Variants in ATXN7 observed in about 807,000 individuals in gnomAD.
ATXN7 encodes ataxin-7.
In ATXN7, 12 loss-of-function variants were observed where a neutral mutation model predicts 70.5. The ratio of observed to expected loss-of-function variants is 0.17; its 90% confidence interval spans 0.11 to 0.28. ATXN7 has a LOEUF of 0.28. Among genes scored for constraint, ATXN7 ranks in the 10% least tolerant of loss-of-function variants. ATXN7 has a pLI of 1.00. For missense variants in ATXN7, 1,256 were observed against 1,131.7 expected (o/e 1.11, Z -1.58); for synonymous variants, 498 against 448.7 (o/e 1.11, Z -1.39).
At chr3:63,998,905 T>C (rs555452367) in intron 12 of ATXN7, 1 of 168,234 alleles carries the variant, frequency 5.9e-6, no homozygotes, top group African/African-American at 2.4e-5. Context: ...TGGGACATGC[T>C]GGGAAGCCTA....
At chr3:63,935,948 AT>A (rs2074655129) in intron 4 of ATXN7, among the ~76,000 whole-genome samples, 1 of 152,186 alleles carries the variant, frequency 6.6e-6, no homozygotes, top group African/African-American at 2.4e-5. Context: ...GCTTAGGCAA[AT>A]TGTACTATAT....
intron 2 of ATXN7, chr3:63,911,962 G>C (rs1421200088): frequency 6.6e-6 from 1 of 152,344 alleles, no homozygotes; most frequent in Non-Finnish European, 1.5e-5. Flanking sequence ...CTCCTCCATA[G>C]GTGGCTGCAT....
intron 4 of ATXN7, among the ~76,000 whole-genome samples, chr3:63,937,962 A>T (rs370787281): frequency 2.6e-5 from 4 of 152,342 alleles, no homozygotes; most frequent in African/African-American, 9.6e-5. Flanking sequence ...TTAAGTTCTC[A>T]ATAAATGTTT....
chr3:63,970,970 G>C (rs2075303110), intron 5 of ATXN7, among the ~76,000 whole-genome samples: 1 of 152,136 alleles, frequency 6.6e-6, no homozygotes, highest in African/African-American at 2.4e-5. Flanking sequence ...GTTTCAAGTG[G>C]CCCAAGTGCT....
intron 1 of ATXN7, among the ~76,000 whole-genome samples, chr3:63,897,690 C>T (rs901649353): frequency 6.6e-6 from 1 of 152,082 alleles, no homozygotes; most frequent in Non-Finnish European, 1.5e-5. Flanking sequence ...AACATCTGCC[C>T]GATAGCTGTG....
Position 63,912,840 on chromosome 3 carries a change from G to A in ATXN7, c.242G>A (p.Arg81His), listed in dbSNP as rs753621707. ...SAAAMATVGE[R>H]RPLPSPEVML... ...GCCGCAATGGCGACGGTCGGGGAGC[G>A]CAGGCCTCTGCCCAGTCCTGAAGTG... The change falls in exon 3 of 13, where the codon CGC becomes CAC. Residue 81 changes from arginine to histidine, a missense_variant. By Grantham distance (29) the Arg-to-His change is conservative (BLOSUM62 0). Transcript: ENST00000674280. 10 of 1,606,712 alleles carry A rather than the reference G, an allele frequency of 6.2e-6. No individual in the cohort carries two copies. In the Admixed American group the frequency reaches 1.3e-4, roughly 22 times the overall value.
At chr3:63,969,392 T>G (rs2075276575) in intron 5 of ATXN7, among the ~76,000 whole-genome samples, 1 of 152,240 alleles carries the variant, frequency 6.6e-6, no homozygotes, top group Admixed American at 6.5e-5. Flanking sequence ...CATTTCGTTG[T>G]ACCTTGCAGA....
Position 63,912,497 on chromosome 3 carries a change from G to A in ATXN7, c.-11-91G>A, listed in dbSNP as rs1002803451. 5.7e-6 allele frequency: 5 copies of A among 874,646 alleles called. No homozygotes were observed. In the South Asian group the frequency reaches 1.4e-4, roughly 24 times the overall value. The allele number at this position is 874,646 out of a possible 1,614,324, so 54.2% of individuals were successfully genotyped here. ...GCTGTCAGCGTGCCCCACCCGGTCCGCGGGCCGCGCACGCCGCCGGAACTC... is the reference window on the plus strand; with the variant it reads ...GCTGTCAGCGTGCCCCACCCGGTCCACGGGCCGCGCACGCCGCCGGAACTC... On this transcript the variant is annotated intron_variant, in intron 2 of 12. Coordinates refer to ENST00000674280, the MANE Select transcript of ATXN7 (RefSeq NM_001377405.1).
At chr3:63,877,640 G>A (rs763644744) in intron 1 of ATXN7, among the ~76,000 whole-genome samples, 2 of 152,222 alleles carry the variant, frequency 1.3e-5, no homozygotes, top group African/African-American at 4.8e-5. Flanking sequence ...ATGCCTGCTG[G>A]TTGCAGAGAG....
chr3:63,902,494 AAGAC>A (rs1703679578), intron 2 of ATXN7, among the ~76,000 whole-genome samples: 1 of 152,204 alleles, frequency 6.6e-6, no homozygotes, highest in Non-Finnish European at 1.5e-5. Flanking sequence ...GGCATTTAGA[AAGAC>A]TTTCAGAAAT....
rs919078725 is a variant in ATXN7 at position 63,912,991 on chromosome 3, C to T, written c.325+68C>T. 9.7e-6 allele frequency: 14 copies of T among 1,439,680 alleles called. No individual in the cohort carries two copies. In the African/African-American group the frequency reaches 1.7e-4, roughly 18 times the overall value. 89.2% of individuals were successfully genotyped at this position (1,439,680 alleles called of 1,614,324 possible). On this transcript the variant is annotated intron_variant, in intron 3 of 12. Coordinates refer to ENST00000674280, the MANE Select transcript of ATXN7 (RefSeq NM_001377405.1). ...CCCCTCCTCTCTCCTCCCCTCCCCC[C>T]TGCCCCCCTCCTGTGACCCGCCCCC...
intron 10 of ATXN7, 85 bp downstream of exon 10, chr3:63,990,459 A>G: frequency 6.6e-7 from 1 of 1,505,758 alleles, no homozygotes. Flanking sequence ...GGATCTTGGC[A>G]TGCCCGTATG....
In ATXN7 at chr3:63,995,457, G is replaced by A. The variant is rs114365351; in HGVS notation, c.1683-48G>A. ...AGGGTGGTGCCATCTGAAAGTCTCT[G>A]TGAATGGCTGTGGTCAGTGTCATTC... is the stretch of plus-strand genomic sequence containing the variant. On this transcript the variant is annotated intron_variant, in intron 11 of 12. Coordinates refer to ENST00000674280, the MANE Select transcript of ATXN7 (RefSeq NM_001377405.1). The A allele has an allele frequency of 7.5e-4, 1,197 of 1,600,734 alleles. 1 individual carries two copies. Among genetic ancestry groups the A allele is most frequent in the Middle Eastern group, 3.8e-3 (23 of 6,000 alleles).
intron 5 of ATXN7, among the ~76,000 whole-genome samples, chr3:63,953,453 G>C (rs549921648): frequency 6.6e-6 from 1 of 152,246 alleles, no homozygotes; most frequent in African/African-American, 2.4e-5. Context: ...GATATTCATA[G>C]GCCAGGCTAA....
At chr3:63,983,109 C>A in intron 8 of ATXN7, 88 bp downstream of exon 8, 1 of 1,058,010 alleles carries the variant, frequency 9.5e-7, no homozygotes, top group South Asian at 1.3e-5. Context: ...TCTCTCTAAC[C>A]CAGAGAAGAT....
chr3:63,976,724 A>G (rs1165026468), intron 5 of ATXN7, among the ~76,000 whole-genome samples: 1 of 152,220 alleles, frequency 6.6e-6, no homozygotes, highest in African/African-American at 2.4e-5. Flanking sequence ...GCTATAGCAC[A>G]ACATGCATTC....
At chr3:63,968,170 G>A (rs2075257197) in intron 5 of ATXN7, among the ~76,000 whole-genome samples, 2 of 152,158 alleles carry the variant, frequency 1.3e-5, no homozygotes, top group South Asian at 4.1e-4. Flanking sequence ...TGCTGCTCAA[G>A]TAGTGGAGGG....
At chr3:63,981,561 G>A (rs962791993) in intron 6 of ATXN7, among the ~76,000 whole-genome samples, 3 of 152,184 alleles carry the variant, frequency 2.0e-5, no homozygotes, top group Non-Finnish European at 2.9e-5. Context: ...TTTGTTAATG[G>A]CACAGGTATT....
chr3:63,999,606 G>GGGCT lies in ATXN7; in HGVS notation c.*141_*144dup. ...TGGGCCTCAAGGGTAGAAACCTGCC[G>GGGCT]GGCTGTTGTTTTAACGAGGATTTCC... On this transcript the variant is annotated 3_prime_UTR_variant, in exon 13 of 13. Coordinates refer to ENST00000674280, the MANE Select transcript of ATXN7 (RefSeq NM_001377405.1). The GGGCT allele has an allele frequency of 6.8e-7, 1 of 1,473,624 alleles. No homozygotes were observed. The highest frequency in any genetic ancestry group is 9.3e-7 in the Non-Finnish European group (1 of 1,075,098). The allele number at this position is 1,473,624 out of a possible 1,614,324, so 91.3% of individuals were successfully genotyped here. A position where few individuals can be genotyped will look rare whatever the true frequency, so the allele number is the denominator to read the frequency against.
Sources: gnomAD v4.1 joint callset for allele counts (sites outside exome capture counted in the v4.1 genomes callset) on GRCh38, gnomAD v4.1.1 for gene constraint, MANE v1.5 for transcripts, NCBI Gene and HGNC (gene_info 2026-07-23, HGNC 2026-07-21) for gene names.